ANKS1B: variants seen among roughly 807,000 people sequenced by gnomAD.
The protein encoded by ANKS1B is ankyrin repeat and sterile alpha motif domain containing 1B, also known as ankyrin repeat and sterile alpha motif domain-containing protein 1B.
Under a neutral mutation model 148.3 loss-of-function variants are expected in ANKS1B, and 36 were observed. That is an observed-to-expected ratio of 0.24 (90% CI 0.19 to 0.32). The LOEUF (loss-of-function observed/expected upper bound fraction) is 0.32. Among genes scored for constraint, ANKS1B ranks in the 10% least tolerant of loss-of-function variants. ANKS1B has a pLI of 1.00. For missense variants in ANKS1B, 1,157 were observed against 1,542.6 expected, an observed-to-expected ratio of 0.75 and a Z score of 4.19; for synonymous variants, 542 against 560.8, an observed-to-expected ratio of 0.97 and a Z score of 0.47.
intron 1 of ANKS1B, among the ~76,000 whole-genome samples, chr12:99,892,293 A>G (rs892720996): frequency 6.6e-6 from 1 of 152,064 alleles, no homozygotes; most frequent in Non-Finnish European, 1.5e-5. Flanking sequence ...ATGAGCCACC[A>G]TGCCCAGCCC....
chr12:98,954,522 A>G (rs1041126511), intron 17 of ANKS1B: 1 of 152,216 alleles, frequency 6.6e-6, no homozygotes, highest in Non-Finnish European at 1.5e-5. Context: ...AACCAATAGG[A>G]GTGCTAAGGT....
At chr12:99,486,745 T>C (rs936145514) in intron 10 of ANKS1B, among the ~76,000 whole-genome samples, 9 of 152,138 alleles carry the variant, frequency 5.9e-5, no homozygotes, top group African/African-American at 2.2e-4. Flanking sequence ...TATCCACCTC[T>C]CAGACACACT....
intron 1 of ANKS1B, among the ~76,000 whole-genome samples, chr12:99,852,483 A>ATTTCCATGTAATAATTAGTT (rs2088064457): frequency 6.6e-6 from 1 of 152,220 alleles, no homozygotes; most frequent in Non-Finnish European, 1.5e-5. Flanking sequence ...GGGGATTAAC[A>ATTTCCATGTAATAATTAGTT]TTTCCATGTA....
At chr12:99,629,139 C>T (rs2098135298) in intron 9 of ANKS1B, among the ~76,000 whole-genome samples, 1 of 152,066 alleles carries the variant, frequency 6.6e-6, no homozygotes, top group African/African-American at 2.4e-5. Context: ...CCATATAGCA[C>T]TCAAAACCCA....
chr12:99,462,113 C>A (rs116208495), intron 10 of ANKS1B, among the ~76,000 whole-genome samples: 1 of 152,234 alleles, frequency 6.6e-6, no homozygotes, highest in African/African-American at 2.4e-5. Flanking sequence ...AACCCTATTC[C>A]TATTTGCAGT....
At chr12:99,581,808 G>A (rs1189460521) in intron 9 of ANKS1B, among the ~76,000 whole-genome samples, 3 of 150,874 alleles carry the variant, frequency 2.0e-5, no homozygotes, top group Non-Finnish European at 3.0e-5. Context: ...GGAGAATGGC[G>A]TCAACCCGGG....
chr12:98,740,677 C>A (rs546215191), downstream of ANKS1B, among the ~76,000 whole-genome samples: 2 of 152,300 alleles, frequency 1.3e-5, no homozygotes, highest in East Asian at 3.9e-4. Context: ...TATCCAATCT[C>A]CCCCTTTTCC....
chr12:99,234,338 G>A (rs2087452557), intron 14 of ANKS1B, among the ~76,000 whole-genome samples: 2 of 152,134 alleles, frequency 1.3e-5, no homozygotes, highest in Middle Eastern at 3.4e-3. Context: ...TCTGTGCCAG[G>A]GTACTCTGGA....
chr12:99,632,567 G>T (rs941297319), intron 9 of ANKS1B, among the ~76,000 whole-genome samples: 1 of 151,216 alleles, frequency 6.6e-6, no homozygotes, highest in African/African-American at 2.4e-5. Context: ...GTTTTTCAAG[G>T]CCTTGGGGAC....
intron 9 of ANKS1B, among the ~76,000 whole-genome samples, chr12:99,567,215 C>A (rs1038355866): frequency 6.6e-6 from 1 of 152,150 alleles, no homozygotes; most frequent in African/African-American, 2.4e-5. Context: ...AGCTGCCTCT[C>A]TCCATAGGCA....
chr12:99,820,051 A>G (rs548911837), intron 2 of ANKS1B, among the ~76,000 whole-genome samples: 3 of 151,940 alleles, frequency 2.0e-5, no homozygotes, highest in East Asian at 3.9e-4. Flanking sequence ...AAAAGATACA[A>G]AGAAATAGCT....
At chr12:99,413,622 A>G (rs995177065) in intron 11 of ANKS1B, among the ~76,000 whole-genome samples, 4 of 152,232 alleles carry the variant, frequency 2.6e-5, no homozygotes, top group East Asian at 1.9e-4. Context: ...ATTTTTTATA[A>G]GAGAAAGGCA....
At chr12:99,011,026 A>C (rs1044806060) in intron 17 of ANKS1B, among the ~76,000 whole-genome samples, 6 of 151,274 alleles carry the variant, frequency 4.0e-5, no homozygotes, top group African/African-American at 1.5e-4. Context: ...TACAGGCTCC[A>C]GCATCAAATG....
intron 17 of ANKS1B, among the ~76,000 whole-genome samples, chr12:98,979,505 T>C (rs1208212549): frequency 6.6e-6 from 1 of 151,998 alleles, no homozygotes; most frequent in Non-Finnish European, 1.5e-5. Flanking sequence ...TCTCCTGAAC[T>C]CGTGATCCAC....
intron 19 of ANKS1B, among the ~76,000 whole-genome samples, chr12:98,828,794 G>T (rs2099271318): frequency 6.6e-6 from 1 of 152,120 alleles, no homozygotes; most frequent in South Asian, 2.1e-4. Flanking sequence ...CATCACACAG[G>T]GTTAATCCTT....
intron 26 of ANKS1B, among the ~76,000 whole-genome samples, chr12:98,749,841 G>C (rs1196554838): frequency 6.6e-6 from 1 of 152,182 alleles, no homozygotes; most frequent in African/African-American, 2.4e-5. Context: ...GCCCCGACTG[G>C]AAGAGAGATG....
At chr12:98,862,091 T>C (rs545254642) in intron 17 of ANKS1B, among the ~76,000 whole-genome samples, 6 of 152,296 alleles carry the variant, frequency 3.9e-5, no homozygotes, top group African/African-American at 1.4e-4. Flanking sequence ...AAGGTAAGTG[T>C]TTGGGTCAGT....
chr12:99,877,009 C>T (rs1042505299), intron 1 of ANKS1B, among the ~76,000 whole-genome samples: 7 of 152,166 alleles, frequency 4.6e-5, no homozygotes, highest in East Asian at 1.9e-4. Flanking sequence ...TGGCATTTAG[C>T]GCCATGCTTC....
intron 12 of ANKS1B, among the ~76,000 whole-genome samples, chr12:99,349,113 G>A (rs949577374): frequency 4.6e-5 from 7 of 151,762 alleles, no homozygotes; most frequent in African/African-American, 1.7e-4. Context: ...ATTCAAACTC[G>A]ATTACTTATA....
Sources: allele counts gnomAD v4.1 joint callset (sites outside exome capture counted in the v4.1 genomes callset), GRCh38; gene constraint gnomAD v4.1.1; transcripts MANE v1.5; gene names NCBI Gene and HGNC (gene_info 2026-07-23, HGNC 2026-07-21).